STX8: variants seen among roughly 807,000 people sequenced by gnomAD.
STX8 encodes syntaxin 8, also known as syntaxin-8.
Under a neutral mutation model 37.5 loss-of-function variants are expected in STX8, and 23 were observed. That is an observed-to-expected ratio of 0.61 (90% CI 0.44 to 0.87). The LOEUF is 0.87. Among genes scored for constraint, STX8 ranks in the 40% least tolerant of loss-of-function variants. STX8 has a pLI of 0.00. For missense variants in STX8, 313 were observed against 284.7 expected, an observed-to-expected ratio of 1.10 and a Z score of -0.71; for synonymous variants, 115 against 99.1, an observed-to-expected ratio of 1.16 and a Z score of -0.95.
In STX8 at chr17:9,291,420, G is replaced by A. The variant is rs370918376; in HGVS notation, c.644-40775C>T. ...CACGCCACTGCACTCCAGCATGGGC[G>A]ATGGGAGTGAGACTCGGTCTCAAAA... is the stretch of plus-strand genomic sequence containing the variant. On this transcript the variant is annotated intron_variant, in intron 7 of 7. Transcript: ENST00000306357. Among the ~76,000 whole-genome samples, 333 of 144,852 alleles carry A rather than the reference G, an allele frequency of 2.3e-3. 1 individual carries two copies. The highest frequency in any genetic ancestry group is 7.6e-3 in the African/African-American group (298 of 39,270).
intron 4 of STX8, among the ~76,000 whole-genome samples, chr17:9,534,380 G>A (rs561183867): frequency 1.3e-5 from 2 of 152,076 alleles, no homozygotes; most frequent in Non-Finnish European, 2.9e-5. Flanking sequence ...CACAATCTTG[G>A]ATGAGAAAAT....
At chr17:9,384,808 G>A (rs1277324984) in intron 6 of STX8, among the ~76,000 whole-genome samples, 1 of 151,826 alleles carries the variant, frequency 6.6e-6, no homozygotes, top group East Asian at 1.9e-4. Flanking sequence ...GTGTGTGTGT[G>A]TGTGTGTGTG....
At chr17:9,380,708 A>AC (rs1375957451) in intron 6 of STX8, among the ~76,000 whole-genome samples, 46 of 103,686 alleles carry the variant, frequency 4.4e-4, no homozygotes, top group African/African-American at 1.3e-3. Flanking sequence ...GGATACAGAA[A>AC]CTTTTTTTTT....
chr17:9,272,484 C>G (rs1047590683), intron 7 of STX8, among the ~76,000 whole-genome samples: 1 of 152,130 alleles, frequency 6.6e-6, no homozygotes, highest in African/African-American at 2.4e-5. Flanking sequence ...TTCTAGAGCA[C>G]CTGAAGAACA....
intron 6 of STX8, among the ~76,000 whole-genome samples, chr17:9,379,039 G>T (rs1286443116): frequency 1.3e-5 from 2 of 152,130 alleles, no homozygotes; most frequent in African/African-American, 4.8e-5. Flanking sequence ...GAGGTCAGGA[G>T]TTCGAGACCG....
At chr17:9,276,887 C>T (rs1045528368) in intron 7 of STX8, among the ~76,000 whole-genome samples, 2 of 151,766 alleles carry the variant, frequency 1.3e-5, no homozygotes, top group African/African-American at 2.4e-5. Flanking sequence ...CCGCCCGCCT[C>T]GGCCTCCCAA....
intron 5 of STX8, among the ~76,000 whole-genome samples, chr17:9,497,654 A>G (rs1203698984): frequency 6.6e-6 from 1 of 152,328 alleles, no homozygotes; most frequent in East Asian, 1.9e-4. Flanking sequence ...TTTTAACAAT[A>G]CAACAGAGGG....
At chr17:9,433,320 G>A (rs1474433577) in intron 6 of STX8, among the ~76,000 whole-genome samples, 7 of 152,136 alleles carry the variant, frequency 4.6e-5, no homozygotes, top group Non-Finnish European at 4.4e-5. Context: ...TCAGCAAAAC[G>A]GAAATAGTAA....
chr17:9,522,421 G>C (rs969316342), intron 4 of STX8, among the ~76,000 whole-genome samples: 3 of 151,986 alleles, frequency 2.0e-5, no homozygotes, highest in African/African-American at 7.3e-5. Context: ...CTATCGGCCG[G>C]GCACGGTGGC....
intron 6 of STX8, among the ~76,000 whole-genome samples, chr17:9,419,177 T>C (rs1281117998): frequency 6.6e-6 from 1 of 152,064 alleles, no homozygotes; most frequent in Non-Finnish European, 1.5e-5. Flanking sequence ...GCCTCCTGCC[T>C]CAGCCTCCCA....
In STX8 at chr17:9,274,751, C is replaced by CTT. The variant is rs377159395; in HGVS notation, c.644-24108_644-24107dup. 1.7e-4 allele frequency among the ~76,000 whole-genome samples: 13 copies of CTT among 78,640 alleles called. 2 individuals are homozygous for CTT. The highest frequency in any genetic ancestry group is 2.6e-4 in the African/African-American group (6 of 23,282). The allele number at this position is 78,640 out of a possible 152,430, so 51.6% of individuals were successfully genotyped here. A position where few individuals can be genotyped will look rare whatever the true frequency, so the allele number is the denominator to read the frequency against. ...TCAAAAATACAACAATTTCTTTTTTCTTTTTTTTTTTTTTTTTTGAGACGG... is the reference window on the plus strand; with the variant it reads ...TCAAAAATACAACAATTTCTTTTTTCTTTTTTTTTTTTTTTTTTTTGAGACGG... On this transcript the variant is annotated intron_variant, in intron 7 of 7. Coordinates refer to ENST00000306357, the MANE Select transcript of STX8 (RefSeq NM_004853.3).
At chr17:9,547,849 G>C (rs1308074908) in intron 3 of STX8, among the ~76,000 whole-genome samples, 1 of 146,948 alleles carries the variant, frequency 6.8e-6, no homozygotes, top group Non-Finnish European at 1.5e-5. Context: ...CTGAAATGCA[G>C]TGTTGCAACC....
intron 6 of STX8, among the ~76,000 whole-genome samples, chr17:9,392,303 T>C (rs1912249797): frequency 6.6e-6 from 1 of 152,184 alleles, no homozygotes; most frequent in South Asian, 2.1e-4. Flanking sequence ...GAAGCATAGT[T>C]GTTGGAGTTA....
intron 7 of STX8, among the ~76,000 whole-genome samples, chr17:9,338,149 G>A (rs144022821): frequency 0.011 from 1,609 of 150,036 alleles, 31 homozygotes; most frequent in African/African-American, 0.037. Context: ...CGCCTCCCGG[G>A]TTCAAATTAT....
chr17:9,364,835 G>A (rs1399908743), intron 7 of STX8, among the ~76,000 whole-genome samples: 2 of 152,092 alleles, frequency 1.3e-5, no homozygotes, highest in African/African-American at 4.8e-5. Context: ...CGCCTGGCCG[G>A]TATTTGATAT....
chr17:9,423,105 A>G (rs1913503035), intron 6 of STX8, among the ~76,000 whole-genome samples: 1 of 152,196 alleles, frequency 6.6e-6, no homozygotes, highest in Non-Finnish European at 1.5e-5. Context: ...AAGTGCATAT[A>G]TACATATCTG....
chr17:9,502,637 T>C (rs1013473564), intron 5 of STX8, among the ~76,000 whole-genome samples: 2 of 152,194 alleles, frequency 1.3e-5, no homozygotes, highest in African/African-American at 4.8e-5. Context: ...TGTAGGTATT[T>C]ACCCCAGAAA....
chr17:9,489,706 T>TTTTTTTTG (rs1597704231), intron 6 of STX8, among the ~76,000 whole-genome samples: 1 of 150,412 alleles, frequency 6.6e-6, no homozygotes, highest in Non-Finnish European at 1.5e-5. Flanking sequence ...TTTTTTTTTT[T>TTTTTTTTG]GAGATGGATT....
At chr17:9,326,177 C>A (rs937767256) in intron 7 of STX8, among the ~76,000 whole-genome samples, 123 of 151,778 alleles carry the variant, frequency 8.1e-4, no homozygotes, top group Non-Finnish European at 2.6e-4. Context: ...GTCATCCAGG[C>A]TAGAGTGCAG....
Sources: allele counts gnomAD v4.1 joint callset (sites outside exome capture counted in the v4.1 genomes callset), GRCh38; gene constraint gnomAD v4.1.1; transcripts MANE v1.5; gene names NCBI Gene and HGNC (gene_info 2026-07-23, HGNC 2026-07-21).